The following HSPG2 variants were observed in gnomAD, a reference collection of about 807,000 sequenced individuals.
HSPG2 encodes heparan sulfate proteoglycan 2, also known as basement membrane-specific heparan sulfate proteoglycan core protein.
Under a neutral mutation model 526.6 loss-of-function variants are expected in HSPG2, and 278 were observed. That is an observed-to-expected ratio of 0.53 (90% CI 0.48 to 0.58). The LOEUF (loss-of-function observed/expected upper bound fraction) is 0.58. HSPG2 is among the 20% of genes least tolerant of loss of function. The pLI, the probability that HSPG2 is intolerant of heterozygous loss-of-function variation, is 0.00. For missense variants in HSPG2, 5,354 were observed against 6,099.5 expected (o/e 0.88, Z 4.07); for synonymous variants, 2,465 against 2,555.4 (o/e 0.96, Z 1.07).
In HSPG2 at chr1:21,936,438, T is replaced by TTTGCAGCTCATTCCAC. The variant is rs551988467; in HGVS notation, c.63+701_63+716dup. Reference sequence around the variant, plus strand: ...TGCACTGCATCCCCGCACCACGCACTTTGCAGCTCATTCCACGCAGTCCAG... The same window carrying TTTGCAGCTCATTCCAC: ...TGCACTGCATCCCCGCACCACGCACTTTGCAGCTCATTCCACTTGCAGCTCATTCCACGCAGTCCAG... On this transcript the variant is annotated intron_variant, in intron 1 of 96. Coordinates refer to ENST00000374695, the MANE Select transcript of HSPG2 (RefSeq NM_005529.7). Among the ~76,000 whole-genome samples, 135 of 152,272 alleles carry TTTGCAGCTCATTCCAC rather than the reference T, an allele frequency of 8.9e-4. 1 individual carries two copies. Among genetic ancestry groups the TTTGCAGCTCATTCCAC allele is most frequent in the African/African-American group, 3.1e-3 (128 of 41,564 alleles).
At position 21,887,363 on chromosome 1, in the gene HSPG2, T is replaced by A; in HGVS notation, c.959-29A>T. 6.2e-7 allele frequency: 1 copy of A among 1,613,746 alleles called. No individual in the cohort carries two copies. The highest frequency in any genetic ancestry group is 1.3e-5 in the African/African-American group (1 of 74,986). ...GGAGACCGGGCAGGGGTCAGCAGCA[T>A]CCTCCCGGGCCAGCTTCCTGCTCCC... On this transcript the variant is annotated intron_variant, in intron 8 of 96. Coordinates refer to ENST00000374695, the MANE Select transcript of HSPG2 (RefSeq NM_005529.7). The surrounding 1 kb of genome is among the most constrained non-coding windows in gnomAD (Gnocchi z 5.0).
At chr1:21,935,438 C>G (rs1372753439) in intron 1 of HSPG2, among the ~76,000 whole-genome samples, 1 of 152,172 alleles carries the variant, frequency 6.6e-6, no homozygotes, top group African/African-American at 2.4e-5. Flanking sequence ...CACCCCAGCC[C>G]CTAGCACCAC....
chr1:21,864,918 C>T lies in HSPG2; in HGVS notation c.4551G>A (p.Gly1517=), dbSNP rs142288625. Residue 1517 remains glycine (G), a synonymous_variant, in exon 36 of 97, where the codon GGG becomes GGA. Coordinates refer to ENST00000374695, the MANE Select transcript of HSPG2 (RefSeq NM_005529.7). The surrounding 1 kb of genome is among the most constrained non-coding windows in gnomAD (Gnocchi z 4.8). ...SAVSLEVAQP[G]PSNRPRALEV... is the part of the protein sequence containing the mutation. ...CGAGGGCGCGGGGTCTGTTTGAGGGCCCCGGCTGGGCGACCTCCAGGCTGA... is the reference window on the plus strand; with the variant it reads ...CGAGGGCGCGGGGTCTGTTTGAGGGTCCCGGCTGGGCGACCTCCAGGCTGA... 1.6e-4 allele frequency: 250 copies of T among 1,608,872 alleles called. No homozygotes were observed. The highest frequency in any genetic ancestry group is 1.9e-4 in the Non-Finnish European group (227 of 1,179,066).
At position 21,839,782 on chromosome 1, in the gene HSPG2, C is replaced by T. The variant is rs774740736; in HGVS notation, c.9709+40G>A. 6.3e-7 allele frequency: 1 copy of T among 1,596,590 alleles called. No homozygotes were observed. Among genetic ancestry groups the T allele is most frequent in the Non-Finnish European group, 8.6e-7 (1 of 1,167,396 alleles). On this transcript the variant is annotated intron_variant, in intron 72 of 96. Transcript: ENST00000374695. This position sits in a 1 kb window ranked among gnomAD's most constrained non-coding sequence, Gnocchi z 4.5. ...GTCTACATTTCAGACCCCAGGGCAT[C>T]CCTGCCCTGCCAGCCCTATGTGCCA...
chr1:21,881,788 A>G (rs1641528208), intron 13 of HSPG2, among the ~76,000 whole-genome samples: 1 of 151,820 alleles, frequency 6.6e-6, no homozygotes, highest in Non-Finnish European at 1.5e-5. Context: ...ACTAAAAATA[A>G]AAAAACTAGA....
At chr1:21,903,959 A>G (rs774253465) in intron 1 of HSPG2, among the ~76,000 whole-genome samples, 5 of 152,230 alleles carry the variant, frequency 3.3e-5, no homozygotes, top group Non-Finnish European at 4.4e-5. Context: ...AGGGGGCTTC[A>G]GCTTCCTCAT....
intron 37 of HSPG2, 124 bp from the exon 38 acceptor site, chr1:21,862,239 G>C (rs1639846814): frequency 8.7e-7 from 1 of 1,147,778 alleles, no homozygotes; most frequent in Admixed American, 2.0e-5. Flanking sequence ...AAGAATCATG[G>C]AAGGGCACAA....
At position 21,838,832 on chromosome 1, in the gene HSPG2, G is replaced by T; in HGVS notation, c.10143C>A (p.Leu3381=). Residue 3381 remains leucine (L), a synonymous_variant, in exon 74 of 97, where the codon CTC becomes CTA. Coordinates refer to ENST00000374695, the MANE Select transcript of HSPG2 (RefSeq NM_005529.7). The stretch of plus-strand genomic sequence containing the variant: ...AGAGCCGGGGCTGCTTACCTTGGAC[G>T]AGCAGCTGGGCAAAGGCCTCGGCTG... ...VGSAEAFAQL[L]VQGPPGSLPA... The T allele has an allele frequency of 6.2e-7, 1 of 1,612,074 alleles. No homozygotes were observed. The highest frequency in any genetic ancestry group is 8.5e-7 in the Non-Finnish European group (1 of 1,179,578).
At chr1:21,875,531 A>T (rs1360895970) in intron 25 of HSPG2, 98 bp downstream of exon 25, 1 of 900,260 alleles carries the variant, frequency 1.1e-6, no homozygotes, top group African/African-American at 1.6e-5. Context: ...GAGGCACAAA[A>T]GGGTCACACA....
At chr1:21,841,334 T>G in intron 70 of HSPG2, 49 bp from the exon 71 acceptor site, 1 of 1,606,592 alleles carries the variant, frequency 6.2e-7, no homozygotes, top group Non-Finnish European at 8.5e-7. Flanking sequence ...GCTCTGCTGC[T>G]CACCCACACT....
At chr1:21,891,440 C>T (rs1269247486) in intron 3 of HSPG2, among the ~76,000 whole-genome samples, 1 of 152,214 alleles carries the variant, frequency 6.6e-6, no homozygotes, top group Non-Finnish European at 1.5e-5. Context: ...AGAATCGAAG[C>T]TGCTGTGGTC....
intron 96 of HSPG2, 60 bp downstream of exon 96, chr1:21,823,556 G>C (rs1557661994): frequency 6.2e-7 from 1 of 1,608,568 alleles, no homozygotes; most frequent in Non-Finnish European, 8.5e-7. Flanking sequence ...GGCTGGGCGA[G>C]CTCTAGCCCT....
At chr1:21,840,242 A>G (rs1379168743) in intron 71 of HSPG2, among the ~76,000 whole-genome samples, 1 of 152,176 alleles carries the variant, frequency 6.6e-6, no homozygotes, top group Non-Finnish European at 1.5e-5. Context: ...GGCTCAAGCA[A>G]TCCTCTCGCC....
intron 33 of HSPG2, among the ~76,000 whole-genome samples, chr1:21,869,188 G>A (rs1640463372): frequency 6.6e-6 from 1 of 152,198 alleles, no homozygotes; most frequent in African/African-American, 2.4e-5. Context: ...CTCTCTCTGG[G>A]CGTGGCCTGG....
Position 21,875,641 on chromosome 1 carries a change from G to T in HSPG2, c.3290C>A (p.Pro1097His). 4 of 1,601,626 alleles carry T rather than the reference G, an allele frequency of 2.5e-6. No homozygotes were observed. Among genetic ancestry groups the T allele is most frequent in the Non-Finnish European group, 3.4e-6 (4 of 1,179,874 alleles). ...CGGCTCCAGACACCTGCTCTCAGCGGGCTGCTGGGCGTAGGATGCTCGGAT... is the reference window on the plus strand; with the variant it reads ...CGGCTCCAGACACCTGCTCTCAGCGTGCTGCTGGGCGTAGGATGCTCGGAT... ...LLIRASYAQQ[P>H]AESRVSGISM... The change falls in exon 25 of 97, where the codon CCC (proline) becomes CAC (histidine). Residue 1097 changes from proline to histidine, a missense_variant. Coordinates refer to ENST00000374695, the MANE Select transcript of HSPG2 (RefSeq NM_005529.7).
Position 21,841,589 on chromosome 1 carries a change from G to A in HSPG2, c.9278C>T (p.Ala3093Val). Residue 3093 changes from alanine to valine, a missense_variant, in exon 70 of 97, where the codon GCC becomes GTC. Transcript: ENST00000374695. ...CTGGGCCACACCGTAGGCATTGGAGGCCACGCAGCGGTAGGTACCGTGGTT... is the reference window on the plus strand; with the variant it reads ...CTGGGCCACACCGTAGGCATTGGAGACCACGCAGCGGTAGGTACCGTGGTT... ...PSNHGTYRCVASNAYGVAQSV... is the reference protein window; with the variant it reads ...PSNHGTYRCVVSNAYGVAQSV... The A allele has an allele frequency of 6.2e-7, 1 of 1,614,232 alleles. No individual in the cohort carries two copies. The highest frequency in any genetic ancestry group is 1.1e-5 in the South Asian group (1 of 91,088).
Position 21,865,907 on chromosome 1 carries a change from C to T in HSPG2, c.4222-98G>A, listed in dbSNP as rs1303190805. ...GGAGCATCTGGCGGCCTTTTTGCAC[C>T]TGTGCCACACTCCCCCACCCCCCTC... On this transcript the variant is annotated intron_variant, in intron 33 of 96. Coordinates refer to ENST00000374695, the MANE Select transcript of HSPG2 (RefSeq NM_005529.7). This position sits in a 1 kb window ranked among gnomAD's most constrained non-coding sequence, Gnocchi z 5.4. 2.3e-6 allele frequency: 2 copies of T among 876,674 alleles called. No homozygotes were observed. Among genetic ancestry groups the T allele is most frequent in the Non-Finnish European group, 3.8e-6 (2 of 524,810 alleles). 54.3% of individuals were successfully genotyped at this position (876,674 alleles called of 1,614,324 possible). A position where few individuals can be genotyped will look rare whatever the true frequency, so the allele number is the denominator to read the frequency against.
chr1:21,840,059 G>T, intron 71 of HSPG2, 42 bp from the exon 72 acceptor site: 1 of 1,571,326 alleles, frequency 6.4e-7, no homozygotes. Flanking sequence ...GGACTCAGTG[G>T]GGACGCTGAT....
intron 67 of HSPG2, 129 bp downstream of exon 67, chr1:21,842,641 G>C: frequency 8.1e-7 from 1 of 1,241,956 alleles, no homozygotes; most frequent in Non-Finnish European, 1.1e-6. Context: ...TGGTGAACTC[G>C]TCCCGCAAAC....
Sources: gnomAD v4.1 joint callset for allele counts (sites outside exome capture counted in the v4.1 genomes callset) on GRCh38, gnomAD v4.1.1 for gene constraint, Gnocchi (gnomAD v3.1) non-coding constraint, MANE v1.5 for transcripts, NCBI Gene and HGNC (gene_info 2026-07-23, HGNC 2026-07-21) for gene names.